GGA2: variants seen among roughly 807,000 people sequenced by gnomAD.
GGA2 encodes golgi associated, gamma adaptin ear containing, ARF binding protein 2.
Under a neutral mutation model 79.5 loss-of-function variants are expected in GGA2, and 48 were observed. The observed-to-expected ratio is 0.60, with a 90% confidence interval of 0.48 to 0.77. The LOEUF is 0.77. Ranked by LOEUF, GGA2 falls within the 30% of genes least tolerant of loss-of-function variation. GGA2 has a pLI of 0.00. For missense variants in GGA2, 770 were observed against 774.0 expected, an observed-to-expected ratio of 0.99 and a Z score of 0.06; for synonymous variants, 317 against 302.0, an observed-to-expected ratio of 1.05 and a Z score of -0.51.
chr16:23,470,825 CTTTT>C (rs36067397), intron 14 of GGA2, among the ~76,000 whole-genome samples: 11 of 56,142 alleles, frequency 2.0e-4, no homozygotes, highest in African/African-American at 3.7e-4. Flanking sequence ...GAAATAAATG[CTTTT>C]TTTTTTTTTT....
At chr16:23,516,257 T>C (rs1233094070) in intron 2 of GGA2, among the ~76,000 whole-genome samples, 3 of 152,010 alleles carry the variant, frequency 2.0e-5, no homozygotes, top group Admixed American at 6.6e-5. Context: ...AGCAATCCTC[T>C]TGCCTCGGCT....
intron 2 of GGA2, among the ~76,000 whole-genome samples, chr16:23,519,332 C>G (rs528408535): frequency 1.3e-5 from 2 of 152,142 alleles, no homozygotes; most frequent in Non-Finnish European, 2.9e-5. Context: ...CATGAGCCGC[C>G]GTGCCCAGCC....
intron 4 of GGA2, among the ~76,000 whole-genome samples, chr16:23,492,255 G>A (rs1395712862): frequency 6.6e-6 from 1 of 152,128 alleles, no homozygotes; most frequent in Non-Finnish European, 1.5e-5. Flanking sequence ...TCAAGGGCTG[G>A]CCACTCCAAA....
chr16:23,515,330 C>G (rs1316906645), upstream of GGA2, among the ~76,000 whole-genome samples: 4 of 151,500 alleles, frequency 2.6e-5, no homozygotes, highest in Admixed American at 2.6e-4. Context: ...GGCATGGTGG[C>G]TCACGCCTGT....
chr16:23,516,017 T>TG (rs1965100787), intron 2 of GGA2, among the ~76,000 whole-genome samples: 2 of 150,700 alleles, frequency 1.3e-5, no homozygotes, highest in African/African-American at 4.9e-5. Context: ...ACCTATTTTT[T>TG]TTTTTTTTGA....
intron 14 of GGA2, among the ~76,000 whole-genome samples, chr16:23,471,754 A>C (rs1312275325): frequency 6.6e-6 from 1 of 152,002 alleles, no homozygotes; most frequent in South Asian, 2.1e-4. Flanking sequence ...AAGACAATAA[A>C]AATTTGCTGG....
At chr16:23,511,016 C>CGTGTGT (rs145140640), upstream of GGA2, among the ~76,000 whole-genome samples, 7 of 28,858 alleles carry the variant, frequency 2.4e-4, no homozygotes, top group South Asian at 1.0e-3. Flanking sequence ...TGGGTTTCAC[C>CGTGTGT]GTGTGTGTGT....
intron 2 of GGA2, 129 bp downstream of exon 2, chr16:23,495,565 G>A: frequency 2.1e-6 from 1 of 473,930 alleles, no homozygotes; most frequent in Non-Finnish European, 3.8e-6. Flanking sequence ...CCAAACTGTT[G>A]GGATTATAGG....
At chr16:23,498,282 A>G (rs556907862) in intron 1 of GGA2, among the ~76,000 whole-genome samples, 2 of 148,038 alleles carry the variant, frequency 1.4e-5, no homozygotes, top group African/African-American at 4.9e-5. Context: ...TCTGTCTCCA[A>G]AAAAAAAAAA....
At chr16:23,486,186 A>C in intron 7 of GGA2, 34 bp from the exon 8 acceptor site, 1 of 1,608,278 alleles carries the variant, frequency 6.2e-7, no homozygotes, top group Non-Finnish European at 8.5e-7. Context: ...GGAGTGAGGG[A>C]GCAGAAACCC....
intron 2 of GGA2, 50 bp downstream of exon 2, chr16:23,495,628 GACAAAGGCCTACACTC>G (rs952466722): frequency 7.9e-6 from 7 of 881,482 alleles, no homozygotes; most frequent in Admixed American, 2.1e-5. Flanking sequence ...AGTCTTGAGA[GACAAAGGCCTACACTC>G]AGTGTGGGGT....
chr16:23,477,518 C>T (rs779728980), intron 13 of GGA2, among the ~76,000 whole-genome samples: 39 of 151,580 alleles, frequency 2.6e-4, no homozygotes, highest in African/African-American at 6.3e-4. Context: ...CTGAGGCAGA[C>T]GGATCATGAG....
At chr16:23,517,940 A>G (rs1383043727) in intron 2 of GGA2, among the ~76,000 whole-genome samples, 2 of 149,276 alleles carry the variant, frequency 1.3e-5, no homozygotes, top group Non-Finnish European at 3.0e-5. Context: ...ATTTTTTGAG[A>G]TGGAGTCTGT....
rs768157448 is a variant in GGA2, at chr16:23,467,688, A to G, written c.1744T>C (p.Leu582=). The G allele has an allele frequency of 1.9e-6, 3 of 1,581,660 alleles. No homozygotes were observed. The highest frequency in any genetic ancestry group is 2.6e-6 in the Non-Finnish European group (3 of 1,150,496). The change falls in exon 17 of 17, where the codon TTA becomes CTA. Residue 582 remains leucine (L), a synonymous_variant. Coordinates refer to ENST00000309859, the MANE Select transcript of GGA2 (RefSeq NM_015044.4). ...LDNPHKEPIR[L]RYKLTFNQGG... is the part of the protein sequence containing the mutation. ...TGGTTGAATGTCAGCTTGTACCGTA[A>G]GCGGATAGGTTCCTGGGACAGAAGA...
At chr16:23,518,460 C>T (rs930451547) in intron 2 of GGA2, among the ~76,000 whole-genome samples, 6 of 152,044 alleles carry the variant, frequency 3.9e-5, no homozygotes, top group Non-Finnish European at 8.8e-5. Context: ...CAATCCTCCC[C>T]CATTGGCCTC....
chr16:23,496,862 G>A (rs999323896), intron 1 of GGA2, among the ~76,000 whole-genome samples: 2 of 151,708 alleles, frequency 1.3e-5, no homozygotes, highest in African/African-American at 4.8e-5. Context: ...GGTGGCTAAG[G>A]CAGGAAAATT....
chr16:23,521,893 T>C (rs1317516387), exon 1 of GGA2: 1 of 452,828 alleles, frequency 2.2e-6, no homozygotes, highest in East Asian at 7.0e-5. Flanking sequence ...GGACTCTGGA[T>C]CGGCACAGAT....
Position 23,504,850 on chromosome 16 carries a change from T to C in GGA2, c.91+5471A>G, listed in dbSNP as rs1964957023. Among the ~76,000 whole-genome samples the C allele has an allele frequency of 1.3e-5, 2 of 152,218 alleles. 1 individual carries two copies. Among genetic ancestry groups the C allele is most frequent in the South Asian group, 4.1e-4 (2 of 4,830 alleles). On this transcript the variant is annotated intron_variant, in intron 1 of 16. Transcript: ENST00000309859. ...TGTATTTCCTCACTAAAAGCAGTGTTTGTATGATTCATTTCAAGCGTGCTA... is the reference window on the plus strand; with the variant it reads ...TGTATTTCCTCACTAAAAGCAGTGTCTGTATGATTCATTTCAAGCGTGCTA...
At chr16:23,491,546 A>C (rs1355891604) in intron 5 of GGA2, 131 bp downstream of exon 5, 4 of 581,622 alleles carry the variant, frequency 6.9e-6, no homozygotes, top group South Asian at 6.4e-5. Flanking sequence ...AAAAAAAAAA[A>C]AACTCTACCT....
Sources: allele counts gnomAD v4.1 joint callset (sites outside exome capture counted in the v4.1 genomes callset), GRCh38; gene constraint gnomAD v4.1.1; transcripts MANE v1.5; gene names NCBI Gene and HGNC (gene_info 2026-07-23, HGNC 2026-07-21).